Variants in MEDAG observed in about 807,000 individuals in gnomAD.
MEDAG encodes the protein mesenteric estrogen-dependent adipogenesis protein.
In MEDAG, 25 loss-of-function variants were observed where a neutral mutation model predicts 29.9. The observed-to-expected ratio is 0.84, with a 90% CI of 0.61 to 1.17. The LOEUF (loss-of-function observed/expected upper bound fraction) is 1.17. Among genes scored for constraint, MEDAG ranks in the 50% most tolerant of loss-of-function variants. MEDAG has a pLI of 0.00. For synonymous variants in MEDAG, 158 were observed against 148.2 expected, an observed-to-expected ratio of 1.07 and a Z score of -0.48; for missense variants, 398 against 372.9, an observed-to-expected ratio of 1.07 and a Z score of -0.56.
intron 1 of MEDAG, among the ~76,000 whole-genome samples, chr13:30,907,693 G>T (rs1023485296): frequency 6.6e-6 from 1 of 152,228 alleles, no homozygotes; most frequent in African/African-American, 2.4e-5. Context: ...TGCCTGAAGA[G>T]GCAAGCATGG....
In MEDAG at chr13:30,924,598, G is replaced by C; in HGVS notation, c.*163G>C. On this transcript the variant is annotated 3_prime_UTR_variant, in exon 5 of 5. Coordinates refer to ENST00000380482, the MANE Select transcript of MEDAG (RefSeq NM_032849.4). Reference sequence around the variant, plus strand: ...ACTCCTCTCTTCTGCTTCTGTGGATGTGATGCCCTGGCAGGCCCAGGGCAG... The same window carrying C: ...ACTCCTCTCTTCTGCTTCTGTGGATCTGATGCCCTGGCAGGCCCAGGGCAG... 1.5e-6 allele frequency: 1 copy of C among 657,750 alleles called. No homozygotes were observed. The highest frequency in any genetic ancestry group is 2.4e-6 in the Non-Finnish European group (1 of 412,734). 40.7% of individuals were successfully genotyped at this position (657,750 alleles called of 1,614,324 possible). A position where few individuals can be genotyped will look rare whatever the true frequency, so the allele number is the denominator to read the frequency against.
chr13:30,918,709 T>G (rs1190778548), intron 2 of MEDAG, among the ~76,000 whole-genome samples: 3 of 152,212 alleles, frequency 2.0e-5, no homozygotes, highest in Admixed American at 2.0e-4. Flanking sequence ...AAATAAGAAA[T>G]GATCTACGAA....
intron 4 of MEDAG, 69 bp from the exon 5 acceptor site, chr13:30,924,242 G>T (rs1483737869): frequency 6.8e-7 from 1 of 1,467,568 alleles, no homozygotes; most frequent in Non-Finnish European, 9.2e-7. Context: ...GCATGAATTT[G>T]AAAGGCACTG....
chr13:30,907,920 C>T (rs143927813), intron 1 of MEDAG, among the ~76,000 whole-genome samples: 1 of 152,204 alleles, frequency 6.6e-6, no homozygotes, highest in African/African-American at 2.4e-5. Context: ...CCTGAAGAAC[C>T]ATTCCCCAGC....
chr13:30,922,080 C>A, intron 4 of MEDAG: 4 of 360,988 alleles, frequency 1.1e-5, no homozygotes, highest in Admixed American at 4.3e-5. Context: ...ATGCAGTATA[C>A]CCCAAAATAA....
intron 1 of MEDAG, among the ~76,000 whole-genome samples, chr13:30,909,832 C>G (rs998230735): frequency 6.6e-6 from 1 of 152,154 alleles, no homozygotes; most frequent in Non-Finnish European, 1.5e-5. Flanking sequence ...AGGTTATTCA[C>G]TCGCTAAGAG....
Position 30,906,444 on chromosome 13 carries a change from G to A in MEDAG, c.-72G>A. 2 of 1,379,388 alleles carry A rather than the reference G, an allele frequency of 1.4e-6. No homozygotes were observed. The highest frequency in any genetic ancestry group is 1.9e-6 in the Non-Finnish European group (2 of 1,067,158). 85.4% of individuals were successfully genotyped at this position (1,379,388 alleles called of 1,614,324 possible). On this transcript the variant is annotated 5_prime_UTR_variant, in exon 1 of 5. Transcript: ENST00000380482. ...GGCAGGGCGCCCGGCCCCTCCTGGGGACCATCAGGTGCCGGCTGGGGGCTG... is the reference window on the plus strand; with the variant it reads ...GGCAGGGCGCCCGGCCCCTCCTGGGAACCATCAGGTGCCGGCTGGGGGCTG...
chr13:30,914,164 A>C (rs889020533), intron 1 of MEDAG, among the ~76,000 whole-genome samples: 16 of 152,186 alleles, frequency 1.1e-4, no homozygotes, highest in Non-Finnish European at 2.2e-4. Context: ...ATATCTGTGC[A>C]CCTTAACAAC....
intron 2 of MEDAG, among the ~76,000 whole-genome samples, chr13:30,919,093 A>G (rs7995961): frequency 4.2e-4 from 64 of 151,998 alleles, no homozygotes; most frequent in Non-Finnish European, 7.8e-4. Context: ...TCGAACAACT[A>G]TCATGGAAGG....
chr13:30,906,458 G>C lies in MEDAG; in HGVS notation c.-58G>C. On this transcript the variant is annotated 5_prime_UTR_variant, in exon 1 of 5. Transcript: ENST00000380482. ...CCCCTCCTGGGGACCATCAGGTGCC[G>C]GCTGGGGGCTGTAGGCACCGGACGG... 7.1e-7 allele frequency: 1 copy of C among 1,400,642 alleles called. No homozygotes were observed. The highest frequency in any genetic ancestry group is 9.2e-7 in the Non-Finnish European group (1 of 1,082,016). The allele number at this position is 1,400,642 out of a possible 1,614,324, so 86.8% of individuals were successfully genotyped here.
At chr13:30,916,357 A>G (rs1952928940) in intron 1 of MEDAG, 4 of 152,276 alleles carry the variant, frequency 2.6e-5, no homozygotes. Flanking sequence ...CATGTCAGGC[A>G]CTGGAAGGAC....
chr13:30,921,656 T>C lies in MEDAG; in HGVS notation c.597T>C (p.Asp199=). Residue 199 remains aspartate (D), a synonymous_variant, in exon 4 of 5, where the codon GAT becomes GAC. Transcript: ENST00000380482. The part of the protein sequence containing the change: ...NLSFAYEFKA[D]ALFDFFYWFG... Reference sequence around the variant, plus strand: ...GCTTTGCATATGAATTCAAAGCTGATGCATTATTTGATTTCTTCTATTGGT... The same window carrying C: ...GCTTTGCATATGAATTCAAAGCTGACGCATTATTTGATTTCTTCTATTGGT... 6.2e-7 allele frequency: 1 copy of C among 1,614,120 alleles called. No homozygotes were observed. Among genetic ancestry groups the C allele is most frequent in the Non-Finnish European group, 8.5e-7 (1 of 1,179,990 alleles).
At position 30,914,517 on chromosome 13, in the gene MEDAG, T is replaced by C. The variant is rs552253991; in HGVS notation, c.279-2886T>C. ...ATCATCAAAGGCAGATTAAATTATG[T>C]TGCATGTAGTTTTATTATCCAAGGT... is the stretch of plus-strand genomic sequence containing the variant. On this transcript the variant is annotated intron_variant, in intron 1 of 4. Transcript: ENST00000380482. Among the ~76,000 whole-genome samples the C allele has an allele frequency of 4.6e-5, 7 of 152,332 alleles. No individual in the cohort carries two copies. In the South Asian group the frequency reaches 1.0e-3, roughly 23 times the overall value.
At chr13:30,919,267 G>A (rs1952959020) in intron 2 of MEDAG, among the ~76,000 whole-genome samples, 1 of 152,258 alleles carries the variant, frequency 6.6e-6, no homozygotes. Flanking sequence ...AAGGCAATAT[G>A]TCTAGTCTTG....
Position 30,921,606 on chromosome 13 carries a change from G to T in MEDAG, c.547G>T (p.Glu183Ter). 6.2e-7 allele frequency: 1 copy of T among 1,609,694 alleles called. No individual in the cohort carries two copies. The highest frequency in any genetic ancestry group is 8.5e-7 in the Non-Finnish European group (1 of 1,178,990). Reference protein sequence around the residue: ...AVKNFFPPGNEVVNGENLSFA... With the variant: ...AVKNFFPPGN ...GAAGAATTTCTTCCCCCCAGGAAAT[G>T]AAGTGGTTAATGGAGAAAATTTAAG... The change falls in exon 4 of 5, where the codon GAA (glutamate) becomes TAA (stop). Residue 183 changes from glutamate to a stop codon, truncating the protein, a stop_gained. Coordinates refer to ENST00000380482, the MANE Select transcript of MEDAG (RefSeq NM_032849.4). LOFTEE classifies it high-confidence loss of function.
chr13:30,919,806 T>C (rs958478620), intron 2 of MEDAG, among the ~76,000 whole-genome samples: 2 of 152,140 alleles, frequency 1.3e-5, no homozygotes, highest in Non-Finnish European at 2.9e-5. Flanking sequence ...CAGGTATCTA[T>C]GTGTCTCCTT....
chr13:30,906,427 G>T lies in MEDAG; in HGVS notation c.-89G>T. ...CGCGCGCGGCTGACGCAGGCAGGGC[G>T]CCCGGCCCCTCCTGGGGACCATCAG... On this transcript the variant is annotated 5_prime_UTR_variant, in exon 1 of 5. Transcript: ENST00000380482. The T allele has an allele frequency of 3.8e-6, 5 of 1,316,558 alleles. No individual in the cohort carries two copies. Among genetic ancestry groups the T allele is most frequent in the South Asian group, 4.1e-5 (2 of 48,274 alleles). The allele number at this position is 1,316,558 out of a possible 1,614,324, so 81.6% of individuals were successfully genotyped here.
chr13:30,921,239 A>G, intron 3 of MEDAG, 113 bp downstream of exon 3: 1 of 844,530 alleles, frequency 1.2e-6, no homozygotes, highest in Non-Finnish European at 1.8e-6. Flanking sequence ...AATGGCCCTT[A>G]GAAAACAAAG....
Position 30,924,977 on chromosome 13 carries a change from T to C in MEDAG, c.*542T>C, listed in dbSNP as rs1953027889. The C allele has an allele frequency of 6.6e-6, 1 of 152,268 alleles. No homozygotes were observed. The highest frequency in any genetic ancestry group is 2.4e-5 in the African/African-American group (1 of 41,456). The allele number at this position is 152,268 out of a possible 1,614,324, so 9.4% of individuals were successfully genotyped here. ...GCCATCTTTCACTGGGAGGCAAATATGTTTTTCATCCTGCCATATGACACC... is the reference window on the plus strand; with the variant it reads ...GCCATCTTTCACTGGGAGGCAAATACGTTTTTCATCCTGCCATATGACACC... On this transcript the variant is annotated 3_prime_UTR_variant, in exon 5 of 5. Transcript: ENST00000380482.
Sources: allele counts gnomAD v4.1 joint callset (sites outside exome capture counted in the v4.1 genomes callset), GRCh38; gene constraint gnomAD v4.1.1; transcripts MANE v1.5; gene names NCBI Gene and HGNC (gene_info 2026-07-23, HGNC 2026-07-21).